The following TNIK variants were observed in gnomAD, a reference collection of about 807,000 sequenced individuals.
The protein encoded by TNIK is TRAF2 and NCK interacting kinase, also known as TRAF2 and NCK-interacting protein kinase.
TNIK carries 49 observed loss-of-function variants against 191.3 expected under a neutral mutation model. The observed-to-expected ratio is 0.26, with a 90% CI of 0.20 to 0.32. TNIK has a LOEUF of 0.32. TNIK is among the 10% of genes least tolerant of loss of function. The probability of loss-of-function intolerance (pLI) is 1.00; values close to 1 mark genes in which losing one functional copy is unlikely to be tolerated. For synonymous variants in TNIK, 594 were observed against 600.9 expected, an observed-to-expected ratio of 0.99 and a Z score of 0.17; for missense variants, 1,155 against 1,702.3, an observed-to-expected ratio of 0.68 and a Z score of 5.66.
At chr3:171,080,540 G>A (rs569685183) in intron 27 of TNIK, among the ~76,000 whole-genome samples, 5 of 151,920 alleles carry the variant, frequency 3.3e-5, no homozygotes, top group Admixed American at 1.3e-4. Flanking sequence ...GGGTTCAAGC[G>A]ATTCTCCTGC....
chr3:171,253,544 C>T (rs1746487059), intron 2 of TNIK, among the ~76,000 whole-genome samples: 1 of 151,454 alleles, frequency 6.6e-6, no homozygotes, highest in South Asian at 2.1e-4. Flanking sequence ...CCTCCTTTCT[C>T]ATAGATCTGC....
intron 1 of TNIK, among the ~76,000 whole-genome samples, chr3:171,395,587 A>G (rs1014289973): frequency 2.0e-5 from 3 of 152,354 alleles, no homozygotes; most frequent in East Asian, 1.9e-4. Context: ...ACAATAAGAT[A>G]AAACAGTAAG....
chr3:171,242,713 T>C (rs1349159553), intron 2 of TNIK, among the ~76,000 whole-genome samples: 1 of 152,198 alleles, frequency 6.6e-6, no homozygotes, highest in Non-Finnish European at 1.5e-5. Flanking sequence ...AAAATCTGTC[T>C]TAGATTTAAT....
intron 2 of TNIK, among the ~76,000 whole-genome samples, chr3:171,254,984 C>A (rs971886538): frequency 6.6e-6 from 1 of 152,172 alleles, no homozygotes; most frequent in African/African-American, 2.4e-5. Flanking sequence ...GTAGATTAAT[C>A]ATATGGCTTT....
intron 9 of TNIK, among the ~76,000 whole-genome samples, chr3:171,171,451 C>A (rs988577217): frequency 2.4e-4 from 36 of 152,186 alleles, no homozygotes; most frequent in African/African-American, 8.4e-4. Flanking sequence ...GGCTAGAACT[C>A]GTGCAAATAC....
chr3:171,223,502 G>A (rs1264265131), intron 3 of TNIK, among the ~76,000 whole-genome samples: 1 of 152,084 alleles, frequency 6.6e-6, no homozygotes, highest in Non-Finnish European at 1.5e-5. Context: ...TACATGAATT[G>A]AAGACTGAAA....
intron 18 of TNIK, among the ~76,000 whole-genome samples, chr3:171,112,728 A>C (rs1726032945): frequency 6.6e-6 from 1 of 151,804 alleles, no homozygotes; most frequent in Non-Finnish European, 1.5e-5. Flanking sequence ...GTGTATATTC[A>C]GTTTTGCATC....
At chr3:171,264,335 TACACAC>T (rs145643748) in intron 2 of TNIK, among the ~76,000 whole-genome samples, 1 of 148,010 alleles carries the variant, frequency 6.8e-6, no homozygotes, top group Non-Finnish European at 1.5e-5. Context: ...ACACGTATAA[TACACAC>T]ACACACACAC....
chr3:171,122,341 G>T (rs1273612965), intron 18 of TNIK, among the ~76,000 whole-genome samples: 1 of 152,188 alleles, frequency 6.6e-6, no homozygotes, highest in Non-Finnish European at 1.5e-5. Flanking sequence ...TAAAGTTCAG[G>T]CTGGCGATCC....
intron 2 of TNIK, among the ~76,000 whole-genome samples, chr3:171,326,015 G>A (rs1042537209): frequency 3.9e-5 from 6 of 152,090 alleles, no homozygotes; most frequent in South Asian, 2.1e-4. Context: ...TTGGGTCTTC[G>A]TGGGTTCAAA....
chr3:171,087,444 GT>G lies in TNIK; in HGVS notation c.2783del (p.Asn928ThrfsTer96). 6.2e-7 allele frequency: 1 copy of G among 1,613,986 alleles called. No homozygotes were observed. Among genetic ancestry groups the G allele is most frequent in the East Asian group, 2.2e-5 (1 of 44,882 alleles). On this transcript the variant is annotated frameshift_variant, in exon 24 of 33. Transcript: ENST00000436636. LOFTEE classifies it high-confidence loss of function. ...GGCTCTGCTGCACCAGGTCAGGGAG[GT>G]TGATGTGGCCAGCAAAGCCATTGCT... ...SDSNGFAGHI[N>X]LPDLVQQSHS...
At chr3:171,401,609 T>C (rs1186668774) in intron 1 of TNIK, among the ~76,000 whole-genome samples, 1 of 151,884 alleles carries the variant, frequency 6.6e-6, no homozygotes, top group Non-Finnish European at 1.5e-5. Flanking sequence ...GAACAAGGCA[T>C]GTGGGGGCAG....
intron 2 of TNIK, among the ~76,000 whole-genome samples, chr3:171,319,567 A>G (rs949449191): frequency 1.3e-5 from 2 of 152,156 alleles, no homozygotes; most frequent in African/African-American, 4.8e-5. Context: ...GTTGGCTAGG[A>G]GGTTAGTTGA....
At chr3:171,126,771 C>T (rs548740466) in intron 16 of TNIK, among the ~76,000 whole-genome samples, 2 of 152,370 alleles carry the variant, frequency 1.3e-5, no homozygotes, top group South Asian at 2.1e-4. Flanking sequence ...TGTGCTGGCT[C>T]TTACCATCTA....
chr3:171,335,012 T>G (rs886688504), intron 2 of TNIK, among the ~76,000 whole-genome samples: 18 of 140,236 alleles, frequency 1.3e-4, no homozygotes, highest in African/African-American at 4.8e-4. Context: ...AATGCACCCT[T>G]CCTTCCCCAA....
chr3:171,112,186 TTTTTA>T (rs1242736852), intron 18 of TNIK, among the ~76,000 whole-genome samples: 5 of 152,234 alleles, frequency 3.3e-5, no homozygotes, highest in African/African-American at 4.8e-5. Context: ...ATAGATATAC[TTTTTA>T]TTTGTCAATC....
At chr3:171,312,038 A>AG (rs1398317203) in intron 2 of TNIK, among the ~76,000 whole-genome samples, 3 of 144,986 alleles carry the variant, frequency 2.1e-5, no homozygotes, top group Non-Finnish European at 4.5e-5. Flanking sequence ...TGGGCTGTGG[A>AG]GAAAAAAAGG....
At chr3:171,258,348 A>G (rs889674265) in intron 2 of TNIK, among the ~76,000 whole-genome samples, 2 of 152,218 alleles carry the variant, frequency 1.3e-5, no homozygotes, top group Non-Finnish European at 2.9e-5. Context: ...GAGCTACACT[A>G]TCTCACTAAT....
At chr3:171,294,071 A>G (rs552520308) in intron 2 of TNIK, among the ~76,000 whole-genome samples, 1 of 41,030 alleles carries the variant, frequency 2.4e-5, no homozygotes, top group African/African-American at 1.0e-4. Flanking sequence ...CTAAAAATAC[A>G]AAAAAAAATT....
Sources: gnomAD v4.1 joint callset for allele counts (sites outside exome capture counted in the v4.1 genomes callset) on GRCh38, gnomAD v4.1.1 for gene constraint, MANE v1.5 for transcripts, NCBI Gene and HGNC (gene_info 2026-07-23, HGNC 2026-07-21) for gene names.